ZNF420: variants seen among roughly 807,000 people sequenced by gnomAD.
ZNF420 encodes the protein zinc finger protein 420.
ZNF420 carries 31 observed loss-of-function variants against 44.7 expected under a neutral mutation model. The ratio of observed to expected loss-of-function variants is 0.69; its 90% CI spans 0.52 to 0.94. The LOEUF is 0.94. Ranked by LOEUF, ZNF420 falls within the 40% of genes least tolerant of loss-of-function variation. The probability of loss-of-function intolerance (pLI) is 0.00; values close to 1 mark genes in which losing one functional copy is unlikely to be tolerated. For missense variants in ZNF420, 681 were observed against 827.9 expected (o/e 0.82, Z 2.18); for synonymous variants, 245 against 267.4 (o/e 0.92, Z 0.82).
At chr19:37,031,251 T>G (rs995822395) in intron 1 of ZNF420, among the ~76,000 whole-genome samples, 1 of 152,218 alleles carries the variant, frequency 6.6e-6, no homozygotes, top group Non-Finnish European at 1.5e-5. Flanking sequence ...TTCACCCTCC[T>G]TTGCTCTATT....
chr19:37,060,770 C>T (rs1967862891), intron 1 of ZNF420, among the ~76,000 whole-genome samples: 1 of 152,014 alleles, frequency 6.6e-6, no homozygotes, highest in Admixed American at 6.6e-5. Context: ...CTAGGACAGG[C>T]GCTGTCGCAT....
At chr19:37,045,586 T>A (rs1967528769) in intron 1 of ZNF420, among the ~76,000 whole-genome samples, 1 of 152,248 alleles carries the variant, frequency 6.6e-6, no homozygotes, top group Admixed American at 6.5e-5. Context: ...TTGTTTTAGA[T>A]GTTGGATCTC....
At chr19:37,117,010 A>G (rs540728983) in intron 4 of ZNF420, among the ~76,000 whole-genome samples, 1 of 152,326 alleles carries the variant, frequency 6.6e-6, no homozygotes, top group South Asian at 2.1e-4. Flanking sequence ...CTGCCTCTAT[A>G]GGCTCCACCT....
At chr19:37,109,083 T>G (rs759358814) in intron 4 of ZNF420, among the ~76,000 whole-genome samples, 9 of 152,252 alleles carry the variant, frequency 5.9e-5, no homozygotes, top group Non-Finnish European at 1.2e-4. Flanking sequence ...GTGAATCTAC[T>G]GGTGGTACAG....
intron 1 of ZNF420, among the ~76,000 whole-genome samples, chr19:37,060,453 G>A (rs1967856282): frequency 6.6e-6 from 1 of 151,896 alleles, no homozygotes; most frequent in Non-Finnish European, 1.5e-5. Flanking sequence ...TCTGGCCTCT[G>A]CTCTGGCCTC....
Position 37,129,307 on chromosome 19 carries a change from A to G in ZNF420, c.*249A>G, listed in dbSNP as rs1971534705. 2 of 462,652 alleles carry G rather than the reference A, an allele frequency of 4.3e-6. No individual in the cohort carries two copies. Among genetic ancestry groups the G allele is most frequent in the Non-Finnish European group, 7.6e-6 (2 of 263,526 alleles). The allele number at this position is 462,652 out of a possible 1,614,324, so 28.7% of individuals were successfully genotyped here. A position where few individuals can be genotyped will look rare whatever the true frequency, so the allele number is the denominator to read the frequency against. ...AGCCCTTTAGCCATATTGAAAACAA[A>G]TATCTTTTTCAACGTTATCTTAGCT... On this transcript the variant is annotated 3_prime_UTR_variant, in exon 5 of 5. Coordinates refer to ENST00000337995, the MANE Select transcript of ZNF420 (RefSeq NM_144689.5).
At chr19:37,062,238 T>A (rs1489323522) in intron 1 of ZNF420, among the ~76,000 whole-genome samples, 2 of 152,190 alleles carry the variant, frequency 1.3e-5, no homozygotes, top group African/African-American at 4.8e-5. Flanking sequence ...GTAATATATT[T>A]AAGTGTAAGT....
At chr19:37,010,529 C>T (rs892135300) in intron 1 of ZNF420, among the ~76,000 whole-genome samples, 1 of 151,958 alleles carries the variant, frequency 6.6e-6, no homozygotes, top group African/African-American at 2.4e-5. Flanking sequence ...CCCATTCTCT[C>T]TTCTCTCTCT....
chr19:37,124,871 C>T (rs545381380), intron 4 of ZNF420, among the ~76,000 whole-genome samples: 6 of 151,852 alleles, frequency 4.0e-5, no homozygotes, highest in South Asian at 2.1e-4. Context: ...AAGTCTTGCA[C>T]TGTCACCCAG....
chr19:37,042,375 A>G (rs1232406727), intron 1 of ZNF420, among the ~76,000 whole-genome samples: 6 of 152,260 alleles, frequency 3.9e-5, no homozygotes, highest in Non-Finnish European at 2.9e-5. Flanking sequence ...ATTTTTTCAT[A>G]TAGTCTTTAA....
chr19:37,058,778 A>C (rs1221916763), intron 1 of ZNF420, among the ~76,000 whole-genome samples: 1 of 152,026 alleles, frequency 6.6e-6, no homozygotes, highest in Non-Finnish European at 1.5e-5. Flanking sequence ...ACACTCACCC[A>C]ATCTGCTCTT....
At chr19:37,078,327 A>C (rs1968223158), upstream of ZNF420, 1 of 152,254 alleles carries the variant, frequency 6.6e-6, no homozygotes, top group Admixed American at 6.5e-5. Flanking sequence ...CTGGCCGGCT[A>C]GCCAAGCGCT....
Position 37,010,354 on chromosome 19 carries a change from A to G in ZNF420, c.-125+2272A>G, listed in dbSNP as rs567744776. Among the ~76,000 whole-genome samples the G allele has an allele frequency of 9.2e-5, 14 of 152,178 alleles. No homozygotes were observed. The East Asian group carries it at 2.5e-3, about 28-fold the overall frequency. On this transcript the variant is annotated intron_variant, in intron 1 of 4. Transcript: ENST00000587029. ...GGACGGTGTTCAAGTGAGTCTCCCC[A>G]AAAGTCATGCCCCCCGTGATCTCGA... is the stretch of plus-strand genomic sequence containing the variant.
chr19:37,029,927 A>G (rs991843953), intron 1 of ZNF420, among the ~76,000 whole-genome samples: 1 of 152,182 alleles, frequency 6.6e-6, no homozygotes, highest in Admixed American at 6.5e-5. Flanking sequence ...TAAAATATCT[A>G]TCATCTCACA....
At chr19:37,074,467 A>G (rs986605778), upstream of ZNF420, among the ~76,000 whole-genome samples, 4 of 152,088 alleles carry the variant, frequency 2.6e-5, no homozygotes, top group African/African-American at 9.7e-5. Context: ...CATGAAATAC[A>G]AAAACAGGCT....
chr19:37,113,312 A>G (rs972836621), intron 4 of ZNF420, among the ~76,000 whole-genome samples: 1 of 152,226 alleles, frequency 6.6e-6, no homozygotes, highest in Non-Finnish European at 1.5e-5. Context: ...CAATTTGTCC[A>G]CAATTATAAC....
In ZNF420 at chr19:37,129,781, T is replaced by G; in HGVS notation, c.*723T>G. 3 of 310,246 alleles carry G rather than the reference T, an allele frequency of 9.7e-6. No individual in the cohort carries two copies. The highest frequency in any genetic ancestry group is 5.8e-6 in the Non-Finnish European group (1 of 173,830). 19.2% of individuals were successfully genotyped at this position (310,246 alleles called of 1,614,324 possible). On this transcript the variant is annotated 3_prime_UTR_variant, in exon 5 of 5. Transcript: ENST00000337995. ...AAAAACCCAGTGGATGTAATCAGTG[T>G]ATTATTGAGCACAGCTGTTAGAGAA...
At chr19:37,079,646 C>A (rs1243851667) in intron 1 of ZNF420, among the ~76,000 whole-genome samples, 1 of 152,098 alleles carries the variant, frequency 6.6e-6, no homozygotes, top group Non-Finnish European at 1.5e-5. Context: ...ATTTGGACAC[C>A]TGAGTGATGA....
At chr19:37,014,704 G>T (rs2146373576) in intron 1 of ZNF420, among the ~76,000 whole-genome samples, 1 of 152,374 alleles carries the variant, frequency 6.6e-6, no homozygotes, top group Admixed American at 6.5e-5. Context: ...ACCAGGGCAA[G>T]CTCTGAGCCA....
Sources: allele counts gnomAD v4.1 joint callset (sites outside exome capture counted in the v4.1 genomes callset), GRCh38; gene constraint gnomAD v4.1.1; transcripts MANE v1.5; gene names NCBI Gene and HGNC (gene_info 2026-07-23, HGNC 2026-07-21).